Variants in SPPL3 observed in about 807,000 individuals in gnomAD.
SPPL3 encodes signal peptide peptidase-like 3.
Under a neutral mutation model 42.4 loss-of-function variants are expected in SPPL3, and 5 were observed. That is an observed-to-expected ratio of 0.12 (90% CI 0.06 to 0.25). SPPL3 has a LOEUF of 0.25. Among genes scored for constraint, SPPL3 ranks in the 10% least tolerant of loss-of-function variants. The pLI is 1.00. For synonymous variants in SPPL3, 195 were observed against 181.8 expected, an observed-to-expected ratio of 1.07 and a Z score of -0.58; for missense variants, 235 against 489.0, an observed-to-expected ratio of 0.48 and a Z score of 4.90.
intron 1 of SPPL3, among the ~76,000 whole-genome samples, chr12:120,850,720 T>C (rs1872194839): frequency 6.6e-6 from 1 of 152,216 alleles, no homozygotes; most frequent in African/African-American, 2.4e-5. Context: ...GCGGAGGTCA[T>C]GAATCTGACA....
In SPPL3 at chr12:120,791,561, T is replaced by C. The variant is rs1869916802; in HGVS notation, c.102-4A>G. 5.7e-6 allele frequency: 9 copies of C among 1,589,030 alleles called. No homozygotes were observed. Among genetic ancestry groups the C allele is most frequent in the Non-Finnish European group, 7.7e-6 (9 of 1,173,096 alleles). ...TTCAAAGTCCATATTAAGGGACCTGTGGAAAAAAATTTTGTAGTTAAGTTG... is the reference window on the plus strand; with the variant it reads ...TTCAAAGTCCATATTAAGGGACCTGCGGAAAAAAATTTTGTAGTTAAGTTG... On this transcript the variant is annotated splice_region_variant and splice_polypyrimidine_tract_variant and intron_variant, in intron 2 of 10. Transcript: ENST00000353487.
intron 1 of SPPL3, among the ~76,000 whole-genome samples, chr12:120,842,488 C>T (rs1226802434): frequency 6.6e-6 from 1 of 152,056 alleles, no homozygotes; most frequent in Non-Finnish European, 1.5e-5. Flanking sequence ...AAAATTAGTC[C>T]ATTTGGGCTG....
At chr12:120,883,791 G>A (rs1007786796) in intron 1 of SPPL3, among the ~76,000 whole-genome samples, 1 of 152,138 alleles carries the variant, frequency 6.6e-6, no homozygotes, top group African/African-American at 2.4e-5. Flanking sequence ...AAAACATGTT[G>A]TACAGTAAAA....
chr12:120,898,864 T>C (rs1261668713), intron 1 of SPPL3, among the ~76,000 whole-genome samples: 15 of 152,228 alleles, frequency 9.9e-5, no homozygotes, highest in Non-Finnish European at 2.1e-4. Flanking sequence ...GATAGTATTT[T>C]GGTAACAAAA....
chr12:120,785,914 CAA>C (rs11307959), intron 3 of SPPL3, among the ~76,000 whole-genome samples: 40 of 85,814 alleles, frequency 4.7e-4, no homozygotes, highest in Middle Eastern at 7.2e-3. Flanking sequence ...GAGTCCAAGG[CAA>C]AAAAAAAAAA....
chr12:120,805,739 GA>G (rs558432331), intron 2 of SPPL3, among the ~76,000 whole-genome samples: 4 of 151,402 alleles, frequency 2.6e-5, no homozygotes, highest in Admixed American at 6.6e-5. Context: ...CCAAAATGAA[GA>G]AAAAAATTCA....
At position 120,766,337 on chromosome 12, in the gene SPPL3, G is replaced by A. The variant is rs1480641773; in HGVS notation, c.1009C>T (p.Arg337Trp). ...LTATVASRIH[R>W]AAQPALLYLV... ...TAGAGAAGGGCGGGCTGGGCGGCCC[G>A]GTGAATGCGAGACGCCACAGTAGCA... The change falls in exon 10 of 11, where the codon CGG becomes TGG. Residue 337 changes from arginine (R) to tryptophan (W), a missense_variant. Physicochemically the swap from Arg to Trp is moderately radical, Grantham distance 101. Transcript: ENST00000353487. The A allele has an allele frequency of 6.3e-7, 1 of 1,599,050 alleles. No individual in the cohort carries two copies. The highest frequency in any genetic ancestry group is 8.5e-7 in the Non-Finnish European group (1 of 1,173,456).
At chr12:120,857,171 G>A (rs1872488340) in intron 1 of SPPL3, among the ~76,000 whole-genome samples, 1 of 152,210 alleles carries the variant, frequency 6.6e-6, no homozygotes, top group Admixed American at 6.5e-5. Flanking sequence ...CACCAGAAAA[G>A]TCAAAAGAGG....
At chr12:120,792,950 C>G (rs1244407761) in intron 2 of SPPL3, among the ~76,000 whole-genome samples, 2 of 152,074 alleles carry the variant, frequency 1.3e-5, no homozygotes, top group African/African-American at 4.8e-5. Flanking sequence ...ACTTAAAAAA[C>G]TTACGTGCCT....
At chr12:120,872,274 T>C (rs1872956162) in intron 1 of SPPL3, among the ~76,000 whole-genome samples, 1 of 152,204 alleles carries the variant, frequency 6.6e-6, no homozygotes, top group Admixed American at 6.5e-5. Context: ...CATGAAGTTG[T>C]AACTGCTACA....
At chr12:120,824,307 CTA>C (rs1871172267) in intron 1 of SPPL3, among the ~76,000 whole-genome samples, 1 of 151,916 alleles carries the variant, frequency 6.6e-6, no homozygotes, top group South Asian at 2.1e-4. Flanking sequence ...TAAAATAACA[CTA>C]AAATTTTTTT....
intron 1 of SPPL3, chr12:120,901,877 C>T: frequency 1.0e-6 from 1 of 985,352 alleles, no homozygotes. Context: ...GTCCAACCTA[C>T]CTAGTAAAAC....
chr12:120,890,556 T>A (rs1321649241), intron 1 of SPPL3, among the ~76,000 whole-genome samples: 4 of 127,020 alleles, frequency 3.1e-5, no homozygotes, highest in Admixed American at 3.0e-4. Context: ...GCCATTGTAC[T>A]CCAGCCTGGG....
chr12:120,866,966 C>T (rs571890866), intron 1 of SPPL3, among the ~76,000 whole-genome samples: 2 of 152,130 alleles, frequency 1.3e-5, no homozygotes, highest in East Asian at 1.9e-4. Flanking sequence ...AAATAAGGAA[C>T]GTTTTTTAAA....
intron 1 of SPPL3, among the ~76,000 whole-genome samples, chr12:120,866,414 T>C (rs917315734): frequency 6.6e-6 from 1 of 152,190 alleles, no homozygotes; most frequent in Admixed American, 6.5e-5. Context: ...TTGGGACATA[T>C]ACCTCTAGAG....
chr12:120,895,284 G>C (rs190395277), intron 1 of SPPL3, among the ~76,000 whole-genome samples: 1 of 151,956 alleles, frequency 6.6e-6, no homozygotes, highest in Non-Finnish European at 1.5e-5. Flanking sequence ...AAAATTAGCC[G>C]CGTGTATTGG....
rs563149023 is a variant in SPPL3 at position 120,902,640 on chromosome 12, T to C, written c.23+1205A>G. ...TTGGTGGCAAACCGGACCTCCGAAATAGGTCTTCCAACTCCACACGGCATG... is the reference window on the plus strand; with the variant it reads ...TTGGTGGCAAACCGGACCTCCGAAACAGGTCTTCCAACTCCACACGGCATG... On this transcript the variant is annotated intron_variant, in intron 1 of 10. Transcript: ENST00000353487. Among the ~76,000 whole-genome samples the C allele has an allele frequency of 6.6e-5, 10 of 152,264 alleles. 1 individual carries two copies. In the East Asian group the frequency reaches 1.7e-3, roughly 26 times the overall value.
chr12:120,881,554 G>A (rs1238444412), intron 1 of SPPL3, among the ~76,000 whole-genome samples: 2 of 147,440 alleles, frequency 1.4e-5, no homozygotes, highest in African/African-American at 5.1e-5. Context: ...CCACTTCTAG[G>A]TTTATATCCA....
At chr12:120,888,802 A>G (rs1156513490) in intron 1 of SPPL3, among the ~76,000 whole-genome samples, 1 of 152,136 alleles carries the variant, frequency 6.6e-6, no homozygotes, top group Non-Finnish European at 1.5e-5. Context: ...ACAGTATGTG[A>G]ATTATATCTT....
Sources: allele counts gnomAD v4.1 joint callset (sites outside exome capture counted in the v4.1 genomes callset), GRCh38; gene constraint gnomAD v4.1.1; transcripts MANE v1.5; gene names NCBI Gene and HGNC (gene_info 2026-07-23, HGNC 2026-07-21).